Variants in NXPH1 observed in about 807,000 individuals in gnomAD.
NXPH1 encodes neurexophilin 1.
Under a neutral mutation model 23.7 loss-of-function variants are expected in NXPH1, and 5 were observed. That is an observed-to-expected ratio of 0.21 (90% CI 0.11 to 0.44). The LOEUF is 0.44. Among genes scored for constraint, NXPH1 ranks in the 20% least tolerant of loss-of-function variants. The pLI is 0.99. For missense variants in NXPH1, 324 were observed against 321.6 expected (o/e 1.01, Z -0.06); for synonymous variants, 144 against 122.2 (o/e 1.18, Z -1.18).
At chr7:8,748,340 G>C (rs1279592451) in intron 2 of NXPH1, among the ~76,000 whole-genome samples, 1 of 152,150 alleles carries the variant, frequency 6.6e-6, no homozygotes, top group Non-Finnish European at 1.5e-5. Flanking sequence ...AAGTGAAAGG[G>C]AAGTACTTAC....
chr7:8,643,411 A>G (rs1046930344), intron 2 of NXPH1, among the ~76,000 whole-genome samples: 4 of 152,176 alleles, frequency 2.6e-5, no homozygotes, highest in African/African-American at 7.2e-5. Flanking sequence ...GGAATTTTAC[A>G]TGAATATTCT....
chr7:8,632,875 A>G (rs1820156868), intron 2 of NXPH1, among the ~76,000 whole-genome samples: 1 of 152,330 alleles, frequency 6.6e-6, no homozygotes, highest in South Asian at 2.1e-4. Context: ...CTAATAATCA[A>G]GTACCTAGTG....
chr7:8,680,206 G>A (rs1211462666), intron 2 of NXPH1, among the ~76,000 whole-genome samples: 1 of 152,242 alleles, frequency 6.6e-6, no homozygotes, highest in Non-Finnish European at 1.5e-5. Context: ...TACATGTGAT[G>A]CATCAGGTAC....
At chr7:8,484,249 C>T (rs889714887) in intron 2 of NXPH1, among the ~76,000 whole-genome samples, 1 of 152,002 alleles carries the variant, frequency 6.6e-6, no homozygotes, top group Non-Finnish European at 1.5e-5. Context: ...CAACAGAAAC[C>T]TCATATTTTG....
chr7:8,518,558 C>A (rs1279302890), intron 2 of NXPH1, among the ~76,000 whole-genome samples: 1 of 152,114 alleles, frequency 6.6e-6, no homozygotes, highest in Non-Finnish European at 1.5e-5. Context: ...GTGATGCAAT[C>A]TCACTGTAAC....
At chr7:8,677,832 TA>T (rs71017618) in intron 2 of NXPH1, among the ~76,000 whole-genome samples, 116,972 of 152,024 alleles carry the variant, frequency 0.77, 45,392 homozygotes, top group East Asian at 1. Flanking sequence ...TTGAAACTTA[TA>T]AAATGACTTA....
chr7:8,465,855 A>C (rs907645644), intron 2 of NXPH1, among the ~76,000 whole-genome samples: 15 of 152,224 alleles, frequency 9.9e-5, no homozygotes, highest in Admixed American at 3.9e-4. Flanking sequence ...TGGTGTTGGC[A>C]TGCTACTAAC....
In NXPH1 at chr7:8,744,488, C is replaced by G. The variant is rs558610849; in HGVS notation, c.55-6520C>G. Reference sequence around the variant, plus strand: ...GATGATCAACTGGCTCCTCTTCTGCCTGTCCTCAAAGTGCTAACATTTTTA... The same window carrying G: ...GATGATCAACTGGCTCCTCTTCTGCGTGTCCTCAAAGTGCTAACATTTTTA... On this transcript the variant is annotated intron_variant, in intron 2 of 2. Coordinates refer to ENST00000405863, the MANE Select transcript of NXPH1 (RefSeq NM_152745.3). 2.6e-5 allele frequency among the ~76,000 whole-genome samples: 4 copies of G among 152,260 alleles called. No homozygotes were observed. In the East Asian group the frequency reaches 5.8e-4, roughly 22 times the overall value.
chr7:8,535,648 C>T (rs927102580), intron 2 of NXPH1, among the ~76,000 whole-genome samples: 1 of 151,698 alleles, frequency 6.6e-6, no homozygotes, highest in African/African-American at 2.4e-5. Flanking sequence ...TAACTATATG[C>T]CATTCCAAGG....
intron 2 of NXPH1, among the ~76,000 whole-genome samples, chr7:8,692,834 G>C (rs555219125): frequency 2.0e-5 from 3 of 152,294 alleles, no homozygotes; most frequent in African/African-American, 7.2e-5. Flanking sequence ...GTGTAAGTAG[G>C]TTGTTAGGTA....
intron 2 of NXPH1, among the ~76,000 whole-genome samples, chr7:8,620,218 G>C (rs144213461): frequency 1.3e-5 from 2 of 152,280 alleles, no homozygotes; most frequent in African/African-American, 4.8e-5. Flanking sequence ...AAGTCACTCA[G>C]TGAGTTTATT....
chr7:8,493,762 T>A (rs1042094091), intron 2 of NXPH1, among the ~76,000 whole-genome samples: 13 of 152,002 alleles, frequency 8.6e-5, no homozygotes, highest in Admixed American at 7.2e-4. Flanking sequence ...ACTTTTTGTC[T>A]TAAGCACAAA....
At chr7:8,573,686 G>A (rs571715842) in intron 2 of NXPH1, among the ~76,000 whole-genome samples, 96 of 152,228 alleles carry the variant, frequency 6.3e-4, no homozygotes, top group South Asian at 2.5e-3. Context: ...AGGCTTCTGA[G>A]TAGGAGAATG....
chr7:8,487,232 C>T (rs1315084923), intron 2 of NXPH1, among the ~76,000 whole-genome samples: 6 of 152,080 alleles, frequency 3.9e-5, no homozygotes, highest in Non-Finnish European at 8.8e-5. Context: ...GGCTGTGCCT[C>T]CACCCAAATC....
chr7:8,487,989 G>C (rs1022224126), intron 2 of NXPH1, among the ~76,000 whole-genome samples: 1 of 152,108 alleles, frequency 6.6e-6, no homozygotes, highest in East Asian at 1.9e-4. Flanking sequence ...GGCTTACAAA[G>C]GTCATCAGTT....
At chr7:8,460,030 A>G (rs1816666197) in intron 2 of NXPH1, among the ~76,000 whole-genome samples, 1 of 152,172 alleles carries the variant, frequency 6.6e-6, no homozygotes, top group Non-Finnish European at 1.5e-5. Flanking sequence ...CCTTGTTTCC[A>G]TGTTAGGTCT....
chr7:8,566,656 C>T (rs1562404890), intron 2 of NXPH1, among the ~76,000 whole-genome samples: 2 of 151,770 alleles, frequency 1.3e-5, no homozygotes, highest in Non-Finnish European at 2.9e-5. Context: ...CACCAGTGGC[C>T]CTCATGAGTT....
chr7:8,667,101 CATTTT>C (rs2115166620), intron 2 of NXPH1, among the ~76,000 whole-genome samples: 1 of 152,162 alleles, frequency 6.6e-6, no homozygotes, highest in South Asian at 2.1e-4. Flanking sequence ...CATATTCTAA[CATTTT>C]GTTTTTAATG....
At chr7:8,448,377 T>G (rs539144448) in intron 2 of NXPH1, among the ~76,000 whole-genome samples, 29 of 152,342 alleles carry the variant, frequency 1.9e-4, no homozygotes, top group African/African-American at 7.0e-4. Flanking sequence ...CTTATGAATA[T>G]GACACAGAAG....
Sources: gnomAD v4.1 joint callset for allele counts (sites outside exome capture counted in the v4.1 genomes callset) on GRCh38, gnomAD v4.1.1 for gene constraint, MANE v1.5 for transcripts, NCBI Gene and HGNC (gene_info 2026-07-23, HGNC 2026-07-21) for gene names.